CSMD2: variants seen among roughly 807,000 people sequenced by gnomAD.
The protein encoded by CSMD2 is CUB and Sushi multiple domains 2.
Under a neutral mutation model 398.5 loss-of-function variants are expected in CSMD2, and 130 were observed. The ratio of observed to expected loss-of-function variants is 0.33; its 90% CI spans 0.28 to 0.38. The LOEUF is 0.38. CSMD2 is among the 10% of genes least tolerant of loss of function. CSMD2 has a pLI of 1.00. For missense variants in CSMD2, 3,829 were observed against 4,764.9 expected (o/e 0.80, Z 5.78); for synonymous variants, 1,828 against 1,908.5 (o/e 0.96, Z 1.10).
At chr1:33,774,609 A>G (rs1651724249) in intron 12 of CSMD2, among the ~76,000 whole-genome samples, 1 of 152,174 alleles carries the variant, frequency 6.6e-6, no homozygotes, top group African/African-American at 2.4e-5. Flanking sequence ...ACAGAGCTGG[A>G]TCCTTCCTGC....
intron 46 of CSMD2, among the ~76,000 whole-genome samples, chr1:33,585,022 A>C (rs1638981187): frequency 6.6e-6 from 1 of 152,108 alleles, no homozygotes; most frequent in Non-Finnish European, 1.5e-5. Flanking sequence ...CACAGCATGA[A>C]AGCAATTTCA....
chr1:33,934,833 G>GA (rs10552121), intron 4 of CSMD2, among the ~76,000 whole-genome samples: 6,360 of 109,556 alleles, frequency 0.058, 240 homozygotes, highest in Non-Finnish European at 0.08. Context: ...CTGTCTCCAT[G>GA]AAAAAAAAAA....
At chr1:33,869,792 TTC>T (rs1414609777) in intron 5 of CSMD2, among the ~76,000 whole-genome samples, 2 of 152,098 alleles carry the variant, frequency 1.3e-5, no homozygotes, top group East Asian at 3.9e-4. Context: ...CACTCTCCCT[TTC>T]TCTCTCTCCC....
intron 6 of CSMD2, among the ~76,000 whole-genome samples, chr1:33,832,623 T>C (rs1436477898): frequency 6.7e-6 from 1 of 148,202 alleles, no homozygotes; most frequent in Non-Finnish European, 1.5e-5. Context: ...ATTCAAAAGC[T>C]AGCAGAAGGC....
chr1:34,157,549 A>T (rs958894326), intron 1 of CSMD2, among the ~76,000 whole-genome samples: 2 of 148,944 alleles, frequency 1.3e-5, no homozygotes, highest in African/African-American at 5.0e-5. Flanking sequence ...CTCGACCCCA[A>T]CTCCACCCAC....
intron 32 of CSMD2, among the ~76,000 whole-genome samples, chr1:33,631,316 T>C (rs1025343442): frequency 5.3e-5 from 8 of 151,986 alleles, no homozygotes; most frequent in African/African-American, 1.9e-4. Flanking sequence ...AAAGCTAAAA[T>C]ATCAACATTG....
Position 33,830,291 on chromosome 1 carries a change from C to T in CSMD2, c.1034-4517G>A, listed in dbSNP as rs933913968. On this transcript the variant is annotated intron_variant, in intron 6 of 70. Transcript: ENST00000373381. ...GGGGCAGACTGACACCTCACACGGC[C>T]GGGTACTCCTCTGAGACAAAACTTC... Among the ~76,000 whole-genome samples, 14 of 151,960 alleles carry T rather than the reference C, an allele frequency of 9.2e-5. 2 individuals carry two copies. Among genetic ancestry groups the T allele is most frequent in the Admixed American group, 3.3e-4 (5 of 15,246 alleles).
rs115345232 is a variant in CSMD2 at position 33,745,909 on chromosome 1, C to T, written c.1847-2303G>A. ...CAATTTAACTGTCACTATAATGCTA[C>T]GAGGTAGGTATTGTTATTAACCCCA... On this transcript the variant is annotated intron_variant, in intron 13 of 70. Coordinates refer to ENST00000373381, the MANE Select transcript of CSMD2 (RefSeq NM_001281956.2). Among the ~76,000 whole-genome samples, 414 of 152,218 alleles carry T rather than the reference C, an allele frequency of 2.7e-3. 2 individuals are homozygous for T. Among genetic ancestry groups the T allele is most frequent in the African/African-American group, 9.3e-3 (388 of 41,524 alleles).
chr1:33,962,966 A>G (rs538353577), intron 3 of CSMD2, among the ~76,000 whole-genome samples: 5 of 152,362 alleles, frequency 3.3e-5, no homozygotes, highest in African/African-American at 9.6e-5. Context: ...TAGGGCTTAG[A>G]GCAATGTCTG....
At chr1:34,014,675 C>T (rs12064220) in intron 3 of CSMD2, among the ~76,000 whole-genome samples, 33,929 of 152,226 alleles carry the variant, frequency 0.22, 4,045 homozygotes, top group Middle Eastern at 0.28. Flanking sequence ...TCCACTAGAC[C>T]ATGATTGCCC....
chr1:33,687,687 A>G (rs1374614331), intron 25 of CSMD2, among the ~76,000 whole-genome samples: 2 of 152,220 alleles, frequency 1.3e-5, no homozygotes, highest in East Asian at 3.8e-4. Context: ...ACATAAATAA[A>G]ACAAAAAGTT....
intron 53 of CSMD2, among the ~76,000 whole-genome samples, chr1:33,561,526 C>T (rs1458246387): frequency 6.6e-6 from 1 of 152,208 alleles, no homozygotes; most frequent in Non-Finnish European, 1.5e-5. Flanking sequence ...GAGCTAGGTA[C>T]TCTGCTATGG....
chr1:33,798,610 C>T (rs1655228406), intron 10 of CSMD2, among the ~76,000 whole-genome samples: 1 of 152,138 alleles, frequency 6.6e-6, no homozygotes, highest in African/African-American at 2.4e-5. Flanking sequence ...GGGGATTTTA[C>T]CCACAGCCAG....
chr1:33,860,813 C>T (rs927813697), intron 5 of CSMD2: 9 of 152,208 alleles, frequency 5.9e-5, no homozygotes, highest in East Asian at 1.9e-4. Flanking sequence ...GTCTCCGAGG[C>T]GGAAGCTCCC....
intron 56 of CSMD2, among the ~76,000 whole-genome samples, chr1:33,549,374 C>T (rs1486468737): frequency 6.6e-6 from 1 of 152,160 alleles, no homozygotes; most frequent in African/African-American, 2.4e-5. Flanking sequence ...GAATCCCTTC[C>T]TAGGGCCAGG....
At chr1:33,916,497 C>T (rs967598948) in intron 5 of CSMD2, among the ~76,000 whole-genome samples, 4 of 152,164 alleles carry the variant, frequency 2.6e-5, no homozygotes, top group Non-Finnish European at 4.4e-5. Flanking sequence ...CTTAAAATCA[C>T]CAGCTTTTCC....
chr1:33,783,431 TTCTCTCTCTCTCTCTC>T (rs55769634), intron 12 of CSMD2, among the ~76,000 whole-genome samples: 2,304 of 135,240 alleles, frequency 0.017, 32 homozygotes, highest in African/African-American at 0.038. Flanking sequence ...CATTCTCTCA[TTCTCTCTCTCTCTCTC>T]TCTCTCTCTC....
intron 32 of CSMD2, 21 bp from the exon 33 acceptor site, chr1:33,626,602 G>A (rs1361893437): frequency 3.2e-6 from 5 of 1,567,434 alleles, no homozygotes. Context: ...AAGGGGCAAG[G>A]AGGAGAGAAC....
At chr1:33,793,881 G>A (rs191311826) in intron 10 of CSMD2, among the ~76,000 whole-genome samples, 1 of 152,122 alleles carries the variant, frequency 6.6e-6, no homozygotes, top group African/African-American at 2.4e-5. Flanking sequence ...TTGGGTGGGG[G>A]ATGGTGCCAT....
Sources: allele counts gnomAD v4.1 joint callset (sites outside exome capture counted in the v4.1 genomes callset), GRCh38; gene constraint gnomAD v4.1.1; transcripts MANE v1.5; gene names NCBI Gene and HGNC (gene_info 2026-07-23, HGNC 2026-07-21).